SHISA9: variants seen among roughly 807,000 people sequenced by gnomAD.
SHISA9 encodes shisa family member 9, also known as protein shisa-9.
In SHISA9, 13 loss-of-function variants were observed where a neutral mutation model predicts 38.0. The observed-to-expected ratio is 0.34, with a 90% CI of 0.22 to 0.54. The LOEUF (loss-of-function observed/expected upper bound fraction) is 0.54. Ranked by LOEUF, SHISA9 falls within the 20% of genes least tolerant of loss-of-function variation. The pLI is 0.91. For synonymous variants in SHISA9, 275 were observed against 242.0 expected (o/e 1.14, Z -1.27); for missense variants, 538 against 575.8 (o/e 0.93, Z 0.67).
chr16:13,560,048 A>T, the SHISA9 span, among the ~76,000 whole-genome samples: 1 of 152,250 alleles, frequency 6.6e-6, no homozygotes, highest in Non-Finnish European at 1.5e-5. Flanking sequence ...GAGAGAATTC[A>T]TTGACTTGGG....
At chr16:13,411,822 C>T in the SHISA9 span, among the ~76,000 whole-genome samples, 1 of 152,128 alleles carries the variant, frequency 6.6e-6, no homozygotes, top group Non-Finnish European at 1.5e-5. Flanking sequence ...TTCTAGGAGG[C>T]CAGAGCCCAG....
chr16:13,417,485 T>C, the SHISA9 span, among the ~76,000 whole-genome samples: 1 of 152,154 alleles, frequency 6.6e-6, no homozygotes, highest in Admixed American at 6.6e-5. Context: ...GGGAACCAGA[T>C]ATTTGCTCAG....
At chr16:13,375,679 A>T in the SHISA9 span, among the ~76,000 whole-genome samples, 1 of 152,110 alleles carries the variant, frequency 6.6e-6, no homozygotes, top group Admixed American at 6.5e-5. Flanking sequence ...TAGCCAAAAA[A>T]CAAAAAAACA....
intron 2 of SHISA9, among the ~76,000 whole-genome samples, chr16:13,060,657 A>AC (rs1491464436): frequency 1.4e-4 from 21 of 147,484 alleles, no homozygotes; most frequent in African/African-American, 5.4e-4. Context: ...AAAAAAAAAA[A>AC]AAAACACTCA....
At chr16:13,344,487 G>C in the SHISA9 span, among the ~76,000 whole-genome samples, 2 of 74,214 alleles carry the variant, frequency 2.7e-5, no homozygotes, top group Admixed American at 2.5e-4. Flanking sequence ...GTTCTCTAAA[G>C]CTGTGGCAGA....
chr16:13,224,450 A>C (rs751994533), intron 4 of SHISA9, among the ~76,000 whole-genome samples: 44 of 152,236 alleles, frequency 2.9e-4, no homozygotes, highest in Non-Finnish European at 2.4e-4. Context: ...TACAGACTGA[A>C]TGACCAGGAG....
intron 2 of SHISA9, among the ~76,000 whole-genome samples, chr16:13,026,913 C>A (rs1412791198): frequency 6.6e-6 from 1 of 152,084 alleles, no homozygotes; most frequent in Non-Finnish European, 1.5e-5. Context: ...AAACCAGTGC[C>A]CCTCCCCTCC....
intron 2 of SHISA9, among the ~76,000 whole-genome samples, chr16:13,004,151 G>T (rs1292155533): frequency 1.3e-5 from 2 of 152,286 alleles, no homozygotes; most frequent in East Asian, 1.9e-4. Flanking sequence ...CAAAAGGTGG[G>T]TCTCTTCTTT....
intron 2 of SHISA9, among the ~76,000 whole-genome samples, chr16:13,040,280 T>G (rs28403370): frequency 0.14 from 21,952 of 152,142 alleles, 3,726 homozygotes; most frequent in African/African-American, 0.4. Flanking sequence ...ACTACCCAGT[T>G]CCAGTCACAT....
At chr16:13,432,402 C>A in the SHISA9 span, among the ~76,000 whole-genome samples, 1 of 152,136 alleles carries the variant, frequency 6.6e-6, no homozygotes, top group South Asian at 2.1e-4. Context: ...TATGGTGATG[C>A]GTTGAGAAAG....
intron 2 of SHISA9, among the ~76,000 whole-genome samples, chr16:12,947,131 A>C (rs1256493445): frequency 6.6e-6 from 1 of 152,170 alleles, no homozygotes; most frequent in Non-Finnish European, 1.5e-5. Context: ...TTACTCTGGG[A>C]TGTGGGGAAA....
chr16:13,243,361 C>G (rs547575145), downstream of SHISA9, among the ~76,000 whole-genome samples: 1 of 152,196 alleles, frequency 6.6e-6, no homozygotes, highest in African/African-American at 2.4e-5. Flanking sequence ...TGGTTTTATA[C>G]ATTTTAGGGA....
intron 2 of SHISA9, among the ~76,000 whole-genome samples, chr16:12,969,900 C>A (rs2072032359): frequency 1.3e-5 from 2 of 151,912 alleles, no homozygotes; most frequent in Admixed American, 6.6e-5. Context: ...ACGTGCAAAA[C>A]AATATAGTAA....
chr16:13,408,501 A>T, the SHISA9 span, among the ~76,000 whole-genome samples: 23 of 152,308 alleles, frequency 1.5e-4, no homozygotes, highest in African/African-American at 5.3e-4. Context: ...AGAGAATAAA[A>T]AATAATTTTT....
At position 13,041,850 on chromosome 16, in the gene SHISA9, T is replaced by C. The variant is rs1053516085; in HGVS notation, c.691+125035T>C. Among the ~76,000 whole-genome samples the C allele has an allele frequency of 5.9e-5, 9 of 152,296 alleles. No homozygotes were observed. The East Asian group carries it at 1.7e-3, about 29-fold the overall frequency. ...GGGACTCAGGAATCTGCAATTCTAA[T>C]AAACTCCCTGGGGATTCTGATGTAG... On this transcript the variant is annotated intron_variant, in intron 2 of 4. Transcript: ENST00000558583.
the SHISA9 span, among the ~76,000 whole-genome samples, chr16:13,262,658 A>AGGGAGGGAGGGAGGGAGGGAGGG: frequency 1.9e-5 from 1 of 51,838 alleles, no homozygotes; most frequent in African/African-American, 9.6e-5. Flanking sequence ...GGAAGGAAGG[A>AGGGAGGGAGGGAGGGAGGGAGGG]AGGAAGGAAG....
At chr16:12,956,501 A>G (rs1310780413) in intron 2 of SHISA9, among the ~76,000 whole-genome samples, 1 of 152,248 alleles carries the variant, frequency 6.6e-6, no homozygotes, top group African/African-American at 2.4e-5. Context: ...TTGATTGGAT[A>G]AAGAAAATGT....
the SHISA9 span, among the ~76,000 whole-genome samples, chr16:13,337,956 G>A: frequency 1.3e-5 from 2 of 152,202 alleles, no homozygotes; most frequent in African/African-American, 4.8e-5. Flanking sequence ...CTTTGGAACT[G>A]TGAGTCAATT....
chr16:13,088,488 G>A (rs920549287), intron 2 of SHISA9, among the ~76,000 whole-genome samples: 18 of 151,992 alleles, frequency 1.2e-4, no homozygotes, highest in Admixed American at 3.3e-4. Context: ...CCTTTATTTC[G>A]CTGAGCAGTG....
Sources: gnomAD v4.1 joint callset for allele counts (sites outside exome capture counted in the v4.1 genomes callset) on GRCh38, gnomAD v4.1.1 for gene constraint, MANE v1.5 for transcripts, NCBI Gene and HGNC (gene_info 2026-07-23, HGNC 2026-07-21) for gene names.